SEMA3E: variants seen among roughly 807,000 people sequenced by gnomAD.
SEMA3E encodes the protein semaphorin 3E, also known as semaphorin-3E.
Under a neutral mutation model 93.6 loss-of-function variants are expected in SEMA3E, and 49 were observed. The observed-to-expected ratio is 0.52, with a 90% confidence interval of 0.42 to 0.66. The LOEUF is 0.66. Ranked by LOEUF, SEMA3E falls within the 30% of genes least tolerant of loss-of-function variation. The pLI is 0.00. For missense variants in SEMA3E, 906 were observed against 964.8 expected, an observed-to-expected ratio of 0.94 and a Z score of 0.81; for synonymous variants, 363 against 330.7, an observed-to-expected ratio of 1.10 and a Z score of -1.06.
At chr7:83,495,354 T>C (rs929980744) in intron 1 of SEMA3E, among the ~76,000 whole-genome samples, 24 of 152,028 alleles carry the variant, frequency 1.6e-4, no homozygotes, top group African/African-American at 5.8e-4. Context: ...CATATCTGCA[T>C]AGAGAAGAAT....
intron 1 of SEMA3E, among the ~76,000 whole-genome samples, chr7:83,513,582 A>G (rs541754943): frequency 9.2e-5 from 14 of 152,336 alleles, no homozygotes; most frequent in African/African-American, 3.1e-4. Context: ...GACTATATTT[A>G]GGTTATCTTT....
chr7:83,573,430 T>A (rs1232152342), intron 1 of SEMA3E, among the ~76,000 whole-genome samples: 1 of 152,250 alleles, frequency 6.6e-6, no homozygotes, highest in Admixed American at 6.5e-5. Flanking sequence ...TATACAAATG[T>A]ATAATTTGTC....
At chr7:83,532,283 C>A (rs900154061) in intron 1 of SEMA3E, among the ~76,000 whole-genome samples, 4 of 152,136 alleles carry the variant, frequency 2.6e-5, no homozygotes, top group African/African-American at 9.7e-5. Context: ...GCAGATAAGA[C>A]TTTAGGAAAT....
Position 83,367,923 on chromosome 7 carries a change from G to A in SEMA3E, c.1991C>T (p.Thr664Met), listed in dbSNP as rs375536813. Residue 664 changes from threonine to methionine, a missense_variant, in exon 17 of 17, where the codon ACG becomes ATG. Coordinates refer to ENST00000643230, the MANE Select transcript of SEMA3E (RefSeq NM_012431.3). ...CQTVEHSFVHTVRKITLEVVE... is the reference protein window; with the variant it reads ...CQTVEHSFVHMVRKITLEVVE... ...TACCTCCAAGGTGATTTTACGGACC[G>A]TATGGACAAAGCTATGCTCTACTGT... The A allele has an allele frequency of 3.3e-5, 53 of 1,611,534 alleles. No homozygotes were observed. Among genetic ancestry groups the A allele is most frequent in the Middle Eastern group, 1.6e-4 (1 of 6,068 alleles).
chr7:83,486,712 T>C (rs988413591), intron 2 of SEMA3E, among the ~76,000 whole-genome samples: 2 of 152,096 alleles, frequency 1.3e-5, no homozygotes, highest in Non-Finnish European at 2.9e-5. Context: ...GGGCTGATGT[T>C]ACATCAGAGC....
intron 1 of SEMA3E, among the ~76,000 whole-genome samples, chr7:83,588,914 C>G (rs3757620): frequency 0.27 from 40,741 of 151,854 alleles, 5,922 homozygotes; most frequent in East Asian, 0.39. Flanking sequence ...TTAGATGCCC[C>G]CAAGAAAGGC....
intron 11 of SEMA3E, among the ~76,000 whole-genome samples, chr7:83,399,106 T>C (rs2722973): frequency 0.57 from 86,852 of 152,054 alleles, 28,500 homozygotes; most frequent in East Asian, 0.85. Flanking sequence ...GAATTATATA[T>C]CTATAATTAA....
At chr7:83,577,001 T>G (rs1469817385) in intron 1 of SEMA3E, among the ~76,000 whole-genome samples, 1 of 152,200 alleles carries the variant, frequency 6.6e-6, no homozygotes, top group Non-Finnish European at 1.5e-5. Context: ...TTGCTTTATA[T>G]CATTTCAATA....
intron 1 of SEMA3E, among the ~76,000 whole-genome samples, chr7:83,545,559 A>G (rs1028752370): frequency 4.8e-5 from 6 of 125,492 alleles, no homozygotes; most frequent in African/African-American, 1.9e-4. Context: ...AATGAAAAAA[A>G]AAAAAAAAAA....
chr7:83,542,485 T>C (rs976559333), intron 1 of SEMA3E, among the ~76,000 whole-genome samples: 3 of 152,182 alleles, frequency 2.0e-5, no homozygotes, highest in African/African-American at 7.2e-5. Context: ...AGTCTTACAA[T>C]TTAAAATATT....
chr7:83,611,549 C>T (rs901318200), intron 1 of SEMA3E, among the ~76,000 whole-genome samples: 1 of 151,264 alleles, frequency 6.6e-6, no homozygotes, highest in East Asian at 1.9e-4. Context: ...CCTTCCCCAT[C>T]AGGAAATGAC....
intron 1 of SEMA3E, among the ~76,000 whole-genome samples, chr7:83,502,813 T>C (rs560896129): frequency 6.6e-6 from 1 of 152,228 alleles, no homozygotes; most frequent in Admixed American, 6.5e-5. Flanking sequence ...CACTATGATA[T>C]CCCCAGGACC....
At chr7:83,425,925 G>C (rs1441580507) in intron 4 of SEMA3E, among the ~76,000 whole-genome samples, 1 of 125,898 alleles carries the variant, frequency 7.9e-6, no homozygotes, top group Non-Finnish European at 1.7e-5. Context: ...AGAAAGACAT[G>C]AACAAATTCT....
chr7:83,586,093 G>A (rs1194395222), intron 1 of SEMA3E, among the ~76,000 whole-genome samples: 1 of 152,036 alleles, frequency 6.6e-6, no homozygotes, highest in Non-Finnish European at 1.5e-5. Context: ...AACAAATTAT[G>A]GATCTCTAGA....
chr7:83,449,088 T>TTTTA (rs56254736), intron 4 of SEMA3E, among the ~76,000 whole-genome samples: 73,169 of 147,632 alleles, frequency 0.5, 20,220 homozygotes, highest in East Asian at 0.76. Context: ...ATTTTTTAAA[T>TTTTA]TTTATTTATT....
chr7:83,460,190 C>T (rs1288847698), intron 4 of SEMA3E, among the ~76,000 whole-genome samples: 2 of 152,278 alleles, frequency 1.3e-5, no homozygotes, highest in East Asian at 3.9e-4. Context: ...GTTCTTTGCT[C>T]CATGAGAAAG....
chr7:83,430,491 T>C (rs1184229299), intron 4 of SEMA3E, among the ~76,000 whole-genome samples: 2 of 151,734 alleles, frequency 1.3e-5, no homozygotes, highest in South Asian at 2.1e-4. Flanking sequence ...CGGAATACTA[T>C]GCAGCCATAA....
chr7:83,587,169 T>C (rs1003579625), intron 1 of SEMA3E, among the ~76,000 whole-genome samples: 1 of 152,264 alleles, frequency 6.6e-6, no homozygotes, highest in Admixed American at 6.5e-5. Context: ...ATAAATCATA[T>C]GCCAAACATT....
chr7:83,553,950 G>A (rs923931361), intron 1 of SEMA3E, among the ~76,000 whole-genome samples: 4 of 151,958 alleles, frequency 2.6e-5, no homozygotes, highest in Admixed American at 2.6e-4. Context: ...ATGTTATCAA[G>A]ATTTTGCTCT....
Sources: gnomAD v4.1 joint callset for allele counts (sites outside exome capture counted in the v4.1 genomes callset) on GRCh38, gnomAD v4.1.1 for gene constraint, MANE v1.5 for transcripts, NCBI Gene and HGNC (gene_info 2026-07-23, HGNC 2026-07-21) for gene names.